The following NRG3 variants were observed in gnomAD, a reference collection of about 807,000 sequenced individuals.
NRG3 encodes neuregulin 3.
Under a neutral mutation model 66.9 loss-of-function variants are expected in NRG3, and 31 were observed. That is an observed-to-expected ratio of 0.46 (90% CI 0.35 to 0.63). NRG3 has a LOEUF of 0.63. NRG3 is among the 20% of genes least tolerant of loss of function. The pLI is 0.00. For missense variants in NRG3, 910 were observed against 878.9 expected (o/e 1.04, Z -0.45); for synonymous variants, 393 against 359.4 (o/e 1.09, Z -1.06).
rs556711343 is a variant in NRG3 at position 82,321,558 on chromosome 10, C to T, written c.824-37181C>T. ...TTTGAATCTCTGCTTTATTCTACCT[C>T]TATAAATGTCTAATTTGCCTAATAG... On this transcript the variant is annotated intron_variant, in intron 1 of 8. Transcript: ENST00000372141. Among the ~76,000 whole-genome samples, 19 of 152,336 alleles carry T rather than the reference C, an allele frequency of 1.2e-4. 1 individual carries two copies. Among genetic ancestry groups the T allele is most frequent in the Admixed American group, 4.6e-4 (7 of 15,300 alleles).
chr10:82,686,084 TTATAG>T (rs1423691453), intron 2 of NRG3, among the ~76,000 whole-genome samples: 1 of 152,174 alleles, frequency 6.6e-6, no homozygotes, highest in Admixed American at 6.5e-5. Context: ...ACCATAAAAA[TTATAG>T]TATAGAAAAT....
At chr10:82,343,809 G>A (rs2082815083) in intron 1 of NRG3, among the ~76,000 whole-genome samples, 1 of 151,884 alleles carries the variant, frequency 6.6e-6, no homozygotes. Flanking sequence ...GGATGCCTGG[G>A]TTCCCAAATC....
chr10:82,508,724 A>G (rs1218745792), intron 2 of NRG3, among the ~76,000 whole-genome samples: 3 of 152,198 alleles, frequency 2.0e-5, no homozygotes, highest in South Asian at 2.1e-4. Context: ...TTCTAGATCA[A>G]CTGTTGAACC....
intron 2 of NRG3, among the ~76,000 whole-genome samples, chr10:82,628,252 G>T (rs1257945455): frequency 2.0e-5 from 3 of 152,100 alleles, no homozygotes; most frequent in Admixed American, 6.6e-5. Flanking sequence ...TCAAAACATT[G>T]CCGTTAGGCT....
chr10:82,530,194 C>A (rs1318827068), intron 2 of NRG3, among the ~76,000 whole-genome samples: 3 of 152,002 alleles, frequency 2.0e-5, no homozygotes, highest in Admixed American at 2.0e-4. Context: ...AATACACATA[C>A]AATTTTTGAA....
chr10:82,724,587 T>C (rs1030884587), intron 2 of NRG3, among the ~76,000 whole-genome samples: 2 of 152,222 alleles, frequency 1.3e-5, no homozygotes, highest in African/African-American at 2.4e-5. Flanking sequence ...GAACCTTCTA[T>C]GATTCAGGCA....
intron 1 of NRG3, among the ~76,000 whole-genome samples, chr10:81,975,419 T>C (rs867310906): frequency 1.3e-5 from 2 of 152,036 alleles, no homozygotes; most frequent in African/African-American, 4.8e-5. Context: ...ACATTTATCA[T>C]GGCAGGTGTC....
At chr10:82,941,640 G>T (rs1848581647) in intron 4 of NRG3, among the ~76,000 whole-genome samples, 2 of 152,156 alleles carry the variant, frequency 1.3e-5, no homozygotes, top group African/African-American at 4.8e-5. Context: ...ATTAGGGAGA[G>T]ACTGACCTAC....
chr10:82,757,191 C>T (rs1232843699), intron 3 of NRG3, among the ~76,000 whole-genome samples: 1 of 152,032 alleles, frequency 6.6e-6, no homozygotes, highest in East Asian at 1.9e-4. Flanking sequence ...CGATAGTCCT[C>T]TTCAGGAAGA....
intron 1 of NRG3, among the ~76,000 whole-genome samples, chr10:82,278,210 AT>A (rs757970784): frequency 1.3e-4 from 20 of 151,602 alleles, no homozygotes; most frequent in African/African-American, 3.6e-4. Flanking sequence ...TGGACTACAT[AT>A]TTTTTTTTAA....
chr10:82,680,470 A>G (rs1028884990), intron 2 of NRG3, among the ~76,000 whole-genome samples: 1 of 152,234 alleles, frequency 6.6e-6, no homozygotes, highest in Non-Finnish European at 1.5e-5. Context: ...TAATCATGCA[A>G]GTAATACATG....
chr10:82,393,740 C>G (rs1263904131), intron 2 of NRG3, among the ~76,000 whole-genome samples: 1 of 152,136 alleles, frequency 6.6e-6, no homozygotes, highest in Non-Finnish European at 1.5e-5. Context: ...GACCTCTGCT[C>G]CTGGCGTAGA....
intron 2 of NRG3, among the ~76,000 whole-genome samples, chr10:82,384,605 G>A (rs2085856976): frequency 1.3e-5 from 2 of 152,152 alleles, no homozygotes; most frequent in South Asian, 4.1e-4. Context: ...CAGAGAAAAT[G>A]ATCTCATTCC....
chr10:82,428,757 C>A (rs1358986928), intron 2 of NRG3, among the ~76,000 whole-genome samples: 1 of 151,778 alleles, frequency 6.6e-6, no homozygotes, highest in Non-Finnish European at 1.5e-5. Context: ...TCCTCTATTT[C>A]TGTATTGATC....
intron 2 of NRG3, among the ~76,000 whole-genome samples, chr10:82,609,307 T>C (rs2048160557): frequency 6.6e-6 from 1 of 152,172 alleles, no homozygotes; most frequent in South Asian, 2.1e-4. Flanking sequence ...TAAAGAGCCA[T>C]TCAAAGAGTG....
chr10:81,980,268 G>A (rs1272204262), intron 1 of NRG3, among the ~76,000 whole-genome samples: 5 of 151,810 alleles, frequency 3.3e-5, no homozygotes, highest in African/African-American at 4.8e-5. Flanking sequence ...CACTTGGATC[G>A]GAGATTTTAT....
At chr10:82,958,707 G>A (rs897184951) in intron 5 of NRG3, among the ~76,000 whole-genome samples, 7 of 152,166 alleles carry the variant, frequency 4.6e-5, no homozygotes, top group Admixed American at 1.3e-4. Context: ...TGCACTAAAT[G>A]TTTGTCTGCT....
intron 3 of NRG3, among the ~76,000 whole-genome samples, chr10:82,851,699 A>G (rs1257008207): frequency 2.6e-5 from 4 of 151,630 alleles, no homozygotes; most frequent in African/African-American, 9.7e-5. Context: ...AAGAGAGATC[A>G]CCTTGAACAA....
chr10:82,291,841 A>G (rs2079766809), intron 1 of NRG3, among the ~76,000 whole-genome samples: 1 of 152,230 alleles, frequency 6.6e-6, no homozygotes, highest in South Asian at 2.1e-4. Context: ...AAAATGAATT[A>G]TCGGCTGGAA....
Sources: gnomAD v4.1 joint callset for allele counts (sites outside exome capture counted in the v4.1 genomes callset) on GRCh38, gnomAD v4.1.1 for gene constraint, MANE v1.5 for transcripts, NCBI Gene and HGNC (gene_info 2026-07-23, HGNC 2026-07-21) for gene names.